The following KPNA6 variants were observed in gnomAD, a reference collection of about 807,000 sequenced individuals.
KPNA6 encodes the protein importin subunit alpha-7.
A neutral mutation model predicts 72.0 loss-of-function variants in KPNA6; 9 were observed. That is an observed-to-expected ratio of 0.13 (90% CI 0.08 to 0.22). KPNA6 has a LOEUF of 0.22. Ranked by LOEUF, KPNA6 falls within the 10% of genes least tolerant of loss-of-function variation. KPNA6 has a pLI of 1.00. For synonymous variants in KPNA6, 219 were observed against 242.1 expected (o/e 0.90, Z 0.89); for missense variants, 374 against 655.7 (o/e 0.57, Z 4.69).
At chr1:32,120,217 AC>A (rs942001670) in intron 1 of KPNA6, among the ~76,000 whole-genome samples, 49 of 151,942 alleles carry the variant, frequency 3.2e-4, no homozygotes, top group African/African-American at 1.2e-3. Flanking sequence ...TCTGTATTTT[AC>A]AAAATTATAT....
intron 1 of KPNA6, among the ~76,000 whole-genome samples, chr1:32,133,580 G>A (rs910669329): frequency 4.0e-5 from 6 of 151,408 alleles, no homozygotes; most frequent in African/African-American, 1.5e-4. Flanking sequence ...GGTCCCAGCT[G>A]TGTGGGAGGC....
In KPNA6 at chr1:32,173,468, C is replaced by T. The variant is rs142144376; in HGVS notation, c.*2574C>T. 5 of 194,794 alleles carry T rather than the reference C, an allele frequency of 2.6e-5. No homozygotes were observed. Among genetic ancestry groups the T allele is most frequent in the Admixed American group, 6.1e-5 (1 of 16,524 alleles). The allele number at this position is 194,794 out of a possible 1,614,324, so 12.1% of individuals were successfully genotyped here. A position where few individuals can be genotyped will look rare whatever the true frequency, so the allele number is the denominator to read the frequency against. On this transcript the variant is annotated 3_prime_UTR_variant, in exon 14 of 14. Transcript: ENST00000373625. ...TCCAAAGGCTAAAGTCTACTAGGGG[C>T]AGAGTGTGAGGATAGATTTCTAATC...
intron 1 of KPNA6, among the ~76,000 whole-genome samples, chr1:32,138,926 C>G (rs1045877537): frequency 6.6e-6 from 1 of 152,078 alleles, no homozygotes; most frequent in African/African-American, 2.4e-5. Context: ...GTTTAATTTT[C>G]ACATGAATTC....
intron 1 of KPNA6, among the ~76,000 whole-genome samples, chr1:32,109,546 G>T (rs1037023612): frequency 6.6e-6 from 1 of 151,938 alleles, no homozygotes; most frequent in Non-Finnish European, 1.5e-5. Flanking sequence ...GGGGAAAAAA[G>T]CTTTTAACCC....
At chr1:32,119,623 A>C (rs1448140828) in intron 1 of KPNA6, among the ~76,000 whole-genome samples, 1 of 152,202 alleles carries the variant, frequency 6.6e-6, no homozygotes, top group East Asian at 1.9e-4. Context: ...TGAACGGGAC[A>C]ACCCTATTTC....
chr1:32,170,521 T>C (rs565097489), intron 13 of KPNA6, among the ~76,000 whole-genome samples, 186 bp from the exon 14 acceptor site: 1 of 152,326 alleles, frequency 6.6e-6, no homozygotes. Flanking sequence ...TTGGTCTCTT[T>C]CCTTTGGGAT....
chr1:32,152,858 T>A (rs1273562927), intron 1 of KPNA6, among the ~76,000 whole-genome samples: 74 of 130,716 alleles, frequency 5.7e-4, no homozygotes, highest in Admixed American at 4.3e-3. Flanking sequence ...AAAATAAAAA[T>A]AAAAATAAAA....
intron 1 of KPNA6, among the ~76,000 whole-genome samples, chr1:32,109,486 G>GT (rs559636567): frequency 0.014 from 2,050 of 144,602 alleles, 17 homozygotes; most frequent in Middle Eastern, 0.062. Flanking sequence ...TTTTTGTTTT[G>GT]TTTTTTTTTT....
At chr1:32,108,542 T>C (rs952546786) in intron 1 of KPNA6, among the ~76,000 whole-genome samples, 22 of 152,224 alleles carry the variant, frequency 1.4e-4, no homozygotes, top group African/African-American at 5.3e-4. Context: ...CTTGACTAGA[T>C]TCAGTGGCTC....
At chr1:32,115,794 A>G (rs939006371) in intron 1 of KPNA6, among the ~76,000 whole-genome samples, 2 of 151,982 alleles carry the variant, frequency 1.3e-5, no homozygotes, top group Non-Finnish European at 2.9e-5. Flanking sequence ...CCCAGGCTGG[A>G]GTGCAGTGCC....
chr1:32,159,911 C>A (rs550261394), intron 6 of KPNA6, among the ~76,000 whole-genome samples: 2 of 152,194 alleles, frequency 1.3e-5, no homozygotes, highest in African/African-American at 2.4e-5. Context: ...GATAAAGATA[C>A]AACTTCCATT....
rs1266665531 is a variant in KPNA6 at position 32,140,490 on chromosome 1, T to C, written c.5-14098T>C. 2.6e-5 allele frequency among the ~76,000 whole-genome samples: 4 copies of C among 152,178 alleles called. No homozygotes were observed. In the East Asian group the frequency reaches 7.7e-4, roughly 29 times the overall value. Reference sequence around the variant, plus strand: ...CAATTTTCAAATGTACAGTTAAAAATATAGCTATATTATATATACATCTGA... The same window carrying C: ...CAATTTTCAAATGTACAGTTAAAAACATAGCTATATTATATATACATCTGA... On this transcript the variant is annotated intron_variant, in intron 1 of 13. Transcript: ENST00000373625.
Position 32,160,598 on chromosome 1 carries a change from C to G in KPNA6, c.559-17C>G. The G allele has an allele frequency of 1.9e-6, 3 of 1,607,186 alleles. No individual in the cohort carries two copies. Among genetic ancestry groups the G allele is most frequent in the Non-Finnish European group, 2.6e-6 (3 of 1,173,706 alleles). ...TACCAAGCTTTGTGGGTGACAGTTTCATTATCCCCTTTTCAGGCAGTCTGG... is the reference window on the plus strand; with the variant it reads ...TACCAAGCTTTGTGGGTGACAGTTTGATTATCCCCTTTTCAGGCAGTCTGG... On this transcript the variant is annotated splice_polypyrimidine_tract_variant and intron_variant, in intron 6 of 13. Transcript: ENST00000373625.
chr1:32,136,672 T>G (rs919839296), intron 1 of KPNA6, among the ~76,000 whole-genome samples: 6 of 152,182 alleles, frequency 3.9e-5, no homozygotes, highest in African/African-American at 1.4e-4. Context: ...TGATTCAGAG[T>G]ATCAGAGGAG....
rs879030522 is a variant in KPNA6 at position 32,171,092 on chromosome 1, C to G, written c.*198C>G. On this transcript the variant is annotated 3_prime_UTR_variant, in exon 14 of 14. Transcript: ENST00000373625. The stretch of plus-strand genomic sequence containing the variant: ...GACAGACAGAACCATCTGAGGCTCA[C>G]CTTTGGGTTTTGTGACAAGAAGGGG... The G allele has an allele frequency of 1.0e-5, 6 of 574,128 alleles. No homozygotes were observed. Among genetic ancestry groups the G allele is most frequent in the Admixed American group, 9.0e-5 (3 of 33,448 alleles). The allele number at this position is 574,128 out of a possible 1,614,324, so 35.6% of individuals were successfully genotyped here.
At chr1:32,119,015 TATATATATATATATA>T (rs1217550025) in intron 1 of KPNA6, among the ~76,000 whole-genome samples, 41 of 73,530 alleles carry the variant, frequency 5.6e-4, no homozygotes, top group African/African-American at 2.3e-3. Flanking sequence ...TATATATATA[TATATATATATATATA>T]TATTTTTTTT....
chr1:32,140,120 C>T (rs1488915561), intron 1 of KPNA6, among the ~76,000 whole-genome samples: 1 of 152,092 alleles, frequency 6.6e-6, no homozygotes, highest in African/African-American at 2.4e-5. Context: ...GGGCCTGGCT[C>T]ACGCCTGTAA....
chr1:32,158,101 C>G (rs988666018), intron 4 of KPNA6, among the ~76,000 whole-genome samples, 166 bp from the exon 5 acceptor site: 6 of 152,266 alleles, frequency 3.9e-5, no homozygotes, highest in African/African-American at 1.4e-4. Flanking sequence ...CTGTATTATA[C>G]AGTTCAAAGA....
chr1:32,157,342 C>T lies in KPNA6; in HGVS notation c.232-4C>T. On this transcript the variant is annotated splice_region_variant and splice_polypyrimidine_tract_variant and intron_variant, in intron 3 of 13. Coordinates refer to ENST00000373625, the MANE Select transcript of KPNA6 (RefSeq NM_012316.5). ...CAAAGTCCTAAACTTGTTTTATGTT[C>T]TAGGAGAGTGTGATCACAAGAGAGA... 6.2e-7 allele frequency: 1 copy of T among 1,608,962 alleles called. No homozygotes were observed. Among genetic ancestry groups the T allele is most frequent in the East Asian group, 2.2e-5 (1 of 44,876 alleles).
Sources: allele counts gnomAD v4.1 joint callset (sites outside exome capture counted in the v4.1 genomes callset), GRCh38; gene constraint gnomAD v4.1.1; transcripts MANE v1.5; gene names NCBI Gene and HGNC (gene_info 2026-07-23, HGNC 2026-07-21).